TMEM130: variants seen among roughly 807,000 people sequenced by gnomAD.
The protein encoded by TMEM130 is transmembrane protein 130.
TMEM130 carries 37 observed loss-of-function variants against 42.9 expected under a neutral mutation model. The ratio of observed to expected loss-of-function variants is 0.86; its 90% CI spans 0.66 to 1.13. The LOEUF (loss-of-function observed/expected upper bound fraction) is 1.13. Ranked by LOEUF, TMEM130 falls within the 50% of genes most tolerant of loss-of-function variation. The pLI is 0.00. For missense variants in TMEM130, 545 were observed against 562.6 expected (o/e 0.97, Z 0.32); for synonymous variants, 259 against 237.7 (o/e 1.09, Z -0.82).
intron 3 of TMEM130, among the ~76,000 whole-genome samples, chr7:98,858,999 G>T: frequency 6.8e-6 from 1 of 148,064 alleles, no homozygotes; most frequent in Admixed American, 6.8e-5. Context: ...AGGGAGGGAG[G>T]GGAGAGGAGA....
At chr7:98,850,273 A>AT (rs1554398023) in intron 6 of TMEM130, among the ~76,000 whole-genome samples, 43 of 35,468 alleles carry the variant, frequency 1.2e-3, no homozygotes, top group African/African-American at 2.7e-3. Context: ...ATATATATAT[A>AT]TTTTTTTTTT....
At position 98,848,114 on chromosome 7, in the gene TMEM130, C is replaced by G. The variant is rs781947519; in HGVS notation, c.1214G>C (p.Arg405Pro). 6.2e-7 allele frequency: 1 copy of G among 1,614,090 alleles called. No individual in the cohort carries two copies. The highest frequency in any genetic ancestry group is 8.5e-7 in the Non-Finnish European group (1 of 1,180,026). Residue 405 changes from arginine (R) to proline (P), a missense_variant, in exon 8 of 8, where the codon CGT becomes CCT. Arg to Pro is a moderately radical substitution (Grantham distance 103). Transcript: ENST00000339375. ...ETPSEYLEIVRENHGLLPPLY... is the reference protein window; with the variant it reads ...ETPSEYLEIVPENHGLLPPLY... ...GGGCGGGAGCAGCCCGTGGTTCTCA[C>G]GAACAATTTCCAGGTACTCAGATGG...
At chr7:98,855,391 A>T (rs1554398814) in intron 4 of TMEM130, 67 bp from the exon 5 acceptor site, 5 of 1,457,824 alleles carry the variant, frequency 3.4e-6, no homozygotes, top group Non-Finnish European at 4.7e-6. Context: ...CCCAGGGCAC[A>T]GGGTGGTGCG....
intron 1 of TMEM130, among the ~76,000 whole-genome samples, chr7:98,868,636 C>T (rs542329527): frequency 5.3e-5 from 8 of 152,114 alleles, no homozygotes; most frequent in South Asian, 2.1e-4. Flanking sequence ...GTCTCCCCGA[C>T]GGGTGAGGGA....
chr7:98,869,591 TG>T lies in TMEM130; in HGVS notation c.85+185del, dbSNP rs1554401069. Among the ~76,000 whole-genome samples the T allele has an allele frequency of 2.6e-5, 4 of 151,644 alleles. No homozygotes were observed. The highest frequency in any genetic ancestry group is 5.9e-5 in the Non-Finnish European group (4 of 67,894). On this transcript the variant is annotated intron_variant, in intron 1 of 7. Coordinates refer to ENST00000339375, the MANE Select transcript of TMEM130 (RefSeq NM_152913.3). This position sits in a 1 kb window ranked among gnomAD's most constrained non-coding sequence, Gnocchi z 4.7. The stretch of plus-strand genomic sequence containing the variant: ...GCCCCCTCCAGTGCCCAGGCGACTT[TG>T]GGGAACAAGGATGAAAGGAGAGGGG...
At chr7:98,868,281 G>T (rs1794954300) in intron 1 of TMEM130, among the ~76,000 whole-genome samples, 1 of 152,152 alleles carries the variant, frequency 6.6e-6, no homozygotes, top group Admixed American at 6.6e-5. Flanking sequence ...CATGGAGTTG[G>T]GGTATGGAGC....
chr7:98,851,293 T>C (rs1794497603), intron 6 of TMEM130, 128 bp downstream of exon 6: 1 of 905,174 alleles, frequency 1.1e-6, no homozygotes, highest in East Asian at 2.5e-5. Flanking sequence ...ATGGTGCTGA[T>C]GCTAGCGGGC....
At chr7:98,855,065 A>G (rs1313163052) in intron 5 of TMEM130, among the ~76,000 whole-genome samples, 175 bp downstream of exon 5, 1 of 152,194 alleles carries the variant, frequency 6.6e-6, no homozygotes, top group African/African-American at 2.4e-5. Flanking sequence ...AAAATAAAAT[A>G]CTGGAGCTGA....
At chr7:98,850,273 A>ATATATTTTTTTTTTTTTTTTTTTTTT in intron 6 of TMEM130, among the ~76,000 whole-genome samples, 6 of 35,466 alleles carry the variant, frequency 1.7e-4, no homozygotes, top group Non-Finnish European at 2.5e-4. Context: ...ATATATATAT[A>ATATATTTTTTTTTTTTTTTTTTTTTT]TTTTTTTTTT....
In TMEM130 at chr7:98,848,655, AAGTGT is replaced by A. The variant is rs1562903986; in HGVS notation, c.1042_1046del (p.Thr348TyrfsTer50). The A allele has an allele frequency of 6.2e-7, 1 of 1,614,142 alleles. No individual in the cohort carries two copies. The highest frequency in any genetic ancestry group is 1.7e-5 in the Admixed American group (1 of 60,022). On this transcript the variant is annotated frameshift_variant, in exon 7 of 8. Transcript: ENST00000339375. LOFTEE classifies it high-confidence loss of function. ...TGATGAAGGCCAACATCACAGTGAT[AAGTGT>A]AGCACATGGGAAAGCAAAGACAGCC...
intron 3 of TMEM130, 66 bp from the exon 4 acceptor site, chr7:98,856,249 A>C: frequency 2.6e-6 from 4 of 1,518,396 alleles, no homozygotes; most frequent in Non-Finnish European, 3.6e-6. Context: ...CCTGTAACTC[A>C]GAAGTGATTC....
chr7:98,856,905 T>G (rs1037087524), intron 3 of TMEM130, among the ~76,000 whole-genome samples: 18 of 151,810 alleles, frequency 1.2e-4, no homozygotes, highest in African/African-American at 3.9e-4. Flanking sequence ...TATCTCTCTC[T>G]CCCTTTTTTT....
chr7:98,867,831 G>A (rs967129834), intron 1 of TMEM130, among the ~76,000 whole-genome samples: 2 of 152,168 alleles, frequency 1.3e-5, no homozygotes, highest in African/African-American at 4.8e-5. Flanking sequence ...GTTCCTCAGG[G>A]GTCTCAGGGA....
rs1794395320 is a variant in TMEM130, at chr7:98,847,879, A to T, written c.*177T>A. 2 of 612,606 alleles carry T rather than the reference A, an allele frequency of 3.3e-6. No homozygotes were observed. The highest frequency in any genetic ancestry group is 1.9e-5 in the African/African-American group (1 of 53,982). The allele number at this position is 612,606 out of a possible 1,614,324, so 37.9% of individuals were successfully genotyped here. ...TACAGATGGGTGAATGGCTGGGGTC[A>T]GGGGTGACAGAGAGGGAGGGGCTTG... is the stretch of plus-strand genomic sequence containing the variant. On this transcript the variant is annotated 3_prime_UTR_variant, in exon 8 of 8. Transcript: ENST00000339375.
In TMEM130 at chr7:98,848,246, T is replaced by C. The variant is rs527493034; in HGVS notation, c.1120-38A>G. ...GGGGGAAAAGTCAAAATCAGCCACC[T>C]ATGATGAACAAAATCCCACGGGTCA... On this transcript the variant is annotated intron_variant, in intron 7 of 7. Transcript: ENST00000339375. 1.9e-6 allele frequency: 3 copies of C among 1,612,836 alleles called. No individual in the cohort carries two copies. The African/African-American group carries it at 4.0e-5, about 22-fold the overall frequency.
At chr7:98,860,563 G>A (rs1008625037) in intron 2 of TMEM130, among the ~76,000 whole-genome samples, 4 of 152,066 alleles carry the variant, frequency 2.6e-5, no homozygotes, top group South Asian at 2.1e-4. Context: ...GCTGAACACC[G>A]GAGGACTCTG....
At chr7:98,850,203 C>T (rs1167757651) in intron 6 of TMEM130, among the ~76,000 whole-genome samples, 20 of 144,500 alleles carry the variant, frequency 1.4e-4, no homozygotes, top group African/African-American at 3.3e-4. Context: ...TACAGGCACA[C>T]GCCACTCTCT....
intron 1 of TMEM130, among the ~76,000 whole-genome samples, chr7:98,863,900 C>T (rs1794850567): frequency 6.6e-6 from 1 of 150,634 alleles, no homozygotes; most frequent in South Asian, 2.1e-4. Flanking sequence ...CTCTCACTCT[C>T]TCTCTCTCCC....
intron 2 of TMEM130, among the ~76,000 whole-genome samples, chr7:98,860,671 G>A (rs532591925): frequency 1.3e-5 from 2 of 152,142 alleles, no homozygotes; most frequent in South Asian, 4.1e-4. Context: ...ATGGCTGGGT[G>A]CGGTGGCTCA....
Sources: gnomAD v4.1 joint callset for allele counts (sites outside exome capture counted in the v4.1 genomes callset) on GRCh38, gnomAD v4.1.1 for gene constraint, Gnocchi (gnomAD v3.1) non-coding constraint, MANE v1.5 for transcripts, NCBI Gene and HGNC (gene_info 2026-07-23, HGNC 2026-07-21) for gene names.